Variants in KIDINS220 observed in about 807,000 individuals in gnomAD.
KIDINS220 encodes the protein kinase D-interacting substrate of 220 kDa.
A neutral mutation model predicts 157.6 loss-of-function variants in KIDINS220; 63 were observed. That is an observed-to-expected ratio of 0.40 (90% CI 0.33 to 0.49). The LOEUF (loss-of-function observed/expected upper bound fraction) is 0.49, where lower values mean the gene tolerates loss of function less well. Among genes scored for constraint, KIDINS220 ranks in the 20% least tolerant of loss-of-function variants. The probability of loss-of-function intolerance (pLI) is 0.66; values close to 1 mark genes in which losing one functional copy is unlikely to be tolerated. For synonymous variants in KIDINS220, 732 were observed against 783.6 expected (o/e 0.93, Z 1.10); for missense variants, 1,772 against 2,171.2 (o/e 0.82, Z 3.65).
At chr2:8,781,262 TG>T (rs1336010519) in intron 17 of KIDINS220, among the ~76,000 whole-genome samples, 1 of 150,864 alleles carries the variant, frequency 6.6e-6, no homozygotes, top group Non-Finnish European at 1.5e-5. Context: ...AATCAAAATA[TG>T]TAAGACAAAA....
rs1663879753 is a variant in KIDINS220 at position 8,730,426 on chromosome 2, A to C, written c.*294T>G. The C allele has an allele frequency of 7.5e-6, 9 of 1,200,736 alleles. No individual in the cohort carries two copies. In the South Asian group the frequency reaches 2.9e-4, roughly 39 times the overall value. 74.4% of individuals were successfully genotyped at this position (1,200,736 alleles called of 1,614,324 possible). ...TAAAATACTTCTGACCTATCTTTATACTCAGATCTCACCTCGTCTCAAAAA... is the reference window on the plus strand; with the variant it reads ...TAAAATACTTCTGACCTATCTTTATCCTCAGATCTCACCTCGTCTCAAAAA... On this transcript the variant is annotated 3_prime_UTR_variant, in exon 30 of 30. Coordinates refer to ENST00000256707, the MANE Select transcript of KIDINS220 (RefSeq NM_020738.4).
At chr2:8,759,983 G>A (rs1024345493) in intron 22 of KIDINS220, among the ~76,000 whole-genome samples, 1 of 152,200 alleles carries the variant, frequency 6.6e-6, no homozygotes, top group Non-Finnish European at 1.5e-5. Flanking sequence ...AGACATAGCA[G>A]CAGAGCGGGT....
chr2:8,785,483 G>A (rs1013064357), intron 17 of KIDINS220, among the ~76,000 whole-genome samples: 18 of 152,100 alleles, frequency 1.2e-4, no homozygotes, highest in Non-Finnish European at 2.1e-4. Flanking sequence ...GTGGGTAATC[G>A]TGCCAATTGG....
rs867344207 is a variant in KIDINS220 at position 8,745,939 on chromosome 2, G to C, written c.3585+1206C>G. Among the ~76,000 whole-genome samples the C allele has an allele frequency of 1.8e-4, 28 of 151,930 alleles. No individual in the cohort carries two copies. In the South Asian group the frequency reaches 4.4e-3, roughly 24 times the overall value. ...ATAGGCTAAACTGACCATATTACAT[G>C]GGTGTAACATAGTCTGTAAATAAAA... On this transcript the variant is annotated intron_variant, in intron 26 of 29. Transcript: ENST00000256707.
chr2:8,809,418 C>A (rs980172601), intron 6 of KIDINS220, among the ~76,000 whole-genome samples: 1 of 151,856 alleles, frequency 6.6e-6, no homozygotes, highest in Admixed American at 6.6e-5. Context: ...ATTTTTGATT[C>A]ATTCACCACC....
intron 28 of KIDINS220, among the ~76,000 whole-genome samples, 193 bp downstream of exon 28, chr2:8,734,462 G>C (rs372415332): frequency 1.3e-5 from 2 of 152,246 alleles, no homozygotes; most frequent in African/African-American, 4.8e-5. Context: ...GCTGCCAAGT[G>C]CTGCTGTGTG....
chr2:8,757,473 A>T lies in KIDINS220; in HGVS notation c.3012-5829T>A. On this transcript the variant is annotated intron_variant, in intron 22 of 29. Coordinates refer to ENST00000256707, the MANE Select transcript of KIDINS220 (RefSeq NM_020738.4). The stretch of plus-strand genomic sequence containing the variant: ...TTGATTGTTTCCAAAGGGATATGTG[A>T]GGCCGTCTTCATTTCAGAGGAGCAG... The T allele has an allele frequency of 2.2e-6, 3 of 1,374,824 alleles. No individual in the cohort carries two copies. The South Asian group carries it at 4.6e-5, about 21-fold the overall frequency. The allele number at this position is 1,374,824 out of a possible 1,614,324, so 85.2% of individuals were successfully genotyped here.
At chr2:8,834,714 C>T (rs1016712008) in intron 1 of KIDINS220, among the ~76,000 whole-genome samples, 2 of 152,174 alleles carry the variant, frequency 1.3e-5, no homozygotes, top group African/African-American at 4.8e-5. Flanking sequence ...CAAGCTGATC[C>T]AACCACCTGT....
chr2:8,804,064 C>T (rs1572724042), intron 7 of KIDINS220, among the ~76,000 whole-genome samples: 1 of 152,202 alleles, frequency 6.6e-6, no homozygotes, highest in South Asian at 2.1e-4. Flanking sequence ...AGAAACAAGC[C>T]ACTTGTTCAC....
At position 8,729,683 on chromosome 2, in the gene KIDINS220, C is replaced by G. The variant is rs529564868; in HGVS notation, c.*1037G>C. 22 of 984,844 alleles carry G rather than the reference C, an allele frequency of 2.2e-5. No individual in the cohort carries two copies. The highest frequency in any genetic ancestry group is 2.7e-5 in the Non-Finnish European group (22 of 829,650). 61.0% of individuals were successfully genotyped at this position (984,844 alleles called of 1,614,324 possible). On this transcript the variant is annotated 3_prime_UTR_variant, in exon 30 of 30. Transcript: ENST00000256707. ...ATGATCCTTCCCCAGAACTAACATG[C>G]TGACTTAGGAACAGATGAAGTAGAT...
intron 21 of KIDINS220, among the ~76,000 whole-genome samples, chr2:8,772,130 A>G (rs1169872227): frequency 2.6e-5 from 4 of 152,190 alleles, no homozygotes; most frequent in Non-Finnish European, 4.4e-5. Context: ...GCATGCATGC[A>G]AAGTCATGAA....
intron 5 of KIDINS220, among the ~76,000 whole-genome samples, chr2:8,812,996 T>C (rs1676534468): frequency 1.3e-5 from 2 of 152,218 alleles, no homozygotes; most frequent in Non-Finnish European, 1.5e-5. Flanking sequence ...CCTTTTGCAA[T>C]GTTATATAGT....
At chr2:8,767,393 A>G (rs16866792) in intron 22 of KIDINS220, among the ~76,000 whole-genome samples, 18,044 of 152,270 alleles carry the variant, frequency 0.12, 1,126 homozygotes, top group Middle Eastern at 0.2. Flanking sequence ...AGCATGCATT[A>G]AACAGTTTTT....
chr2:8,808,861 G>A (rs562381926), intron 6 of KIDINS220, among the ~76,000 whole-genome samples: 1 of 152,242 alleles, frequency 6.6e-6, no homozygotes, highest in Non-Finnish European at 1.5e-5. Flanking sequence ...GATAATCACT[G>A]TTCTTTCTTT....
Position 8,730,387 on chromosome 2 carries a change from C to G in KIDINS220, c.*333G>C, listed in dbSNP as rs1037809091. 1.9e-6 allele frequency: 2 copies of G among 1,060,400 alleles called. No homozygotes were observed. Among genetic ancestry groups the G allele is most frequent in the African/African-American group, 3.3e-5 (2 of 59,810 alleles). The allele number at this position is 1,060,400 out of a possible 1,614,324, so 65.7% of individuals were successfully genotyped here. On this transcript the variant is annotated 3_prime_UTR_variant, in exon 30 of 30. Transcript: ENST00000256707. ...GGTCTCTAGCTTTTTTTCTTTTTGG[C>G]ACATTAAGCCCTTTAAAATACTTCT...
intron 9 of KIDINS220, among the ~76,000 whole-genome samples, chr2:8,799,745 G>A (rs1288180456): frequency 1.3e-5 from 2 of 152,060 alleles, no homozygotes; most frequent in Admixed American, 1.3e-4. Flanking sequence ...AGAGATTTTT[G>A]GCCAAATACA....
chr2:8,751,557 A>T lies in KIDINS220; in HGVS notation c.3099T>A (p.Ser1033=). 1 of 1,613,728 alleles carries T rather than the reference A, an allele frequency of 6.2e-7. No individual in the cohort carries two copies. The highest frequency in any genetic ancestry group is 8.5e-7 in the Non-Finnish European group (1 of 1,179,696). The change falls in exon 23 of 30, where the codon TCT becomes TCA. Residue 1033 remains serine (S), a synonymous_variant. Coordinates refer to ENST00000256707, the MANE Select transcript of KIDINS220 (RefSeq NM_020738.4). Reference sequence around the variant, plus strand: ...GAGCCACAAGAACTGGGGTCCTTGAAGACAAAAACACTTCAAAATTTCTTA... The same window carrying T: ...GAGCCACAAGAACTGGGGTCCTTGATGACAAAAACACTTCAAAATTTCTTA... ...GDIRNFEVFL[S]SRTPVLVARD...
intron 6 of KIDINS220, among the ~76,000 whole-genome samples, chr2:8,807,824 A>G (rs1034282292): frequency 6.6e-6 from 1 of 152,174 alleles, no homozygotes; most frequent in African/African-American, 2.4e-5. Flanking sequence ...GGAAGAACGA[A>G]TAAGAAATAC....
chr2:8,813,182 T>A, intron 5 of KIDINS220, 55 bp downstream of exon 5: 3 of 1,151,418 alleles, frequency 2.6e-6, no homozygotes, highest in South Asian at 1.3e-5. Context: ...CCTTAAGTAT[T>A]CCCTAAGAAA....
Sources: gnomAD v4.1 joint callset for allele counts (sites outside exome capture counted in the v4.1 genomes callset) on GRCh38, gnomAD v4.1.1 for gene constraint, MANE v1.5 for transcripts, NCBI Gene and HGNC (gene_info 2026-07-23, HGNC 2026-07-21) for gene names.